SH3RF1: variants seen among roughly 807,000 people sequenced by gnomAD.
The protein encoded by SH3RF1 is E3 ubiquitin-protein ligase SH3RF1.
Under a neutral mutation model 74.0 loss-of-function variants are expected in SH3RF1, and 32 were observed. That is an observed-to-expected ratio of 0.43 (90% CI 0.33 to 0.58). The LOEUF (loss-of-function observed/expected upper bound fraction) is 0.58. Among genes scored for constraint, SH3RF1 ranks in the 20% least tolerant of loss-of-function variants. The pLI, the probability that SH3RF1 is intolerant of heterozygous loss-of-function variation, is 0.05. For synonymous variants in SH3RF1, 396 were observed against 439.6 expected (o/e 0.90, Z 1.24); for missense variants, 954 against 1,130.9 (o/e 0.84, Z 2.24).
chr4:169,138,966 C>T (rs1379024886), intron 4 of SH3RF1, among the ~76,000 whole-genome samples: 3 of 152,072 alleles, frequency 2.0e-5, no homozygotes, highest in East Asian at 3.9e-4. Flanking sequence ...TTTGGGGGGA[C>T]TGGGGGGAAA....
intron 2 of SH3RF1, among the ~76,000 whole-genome samples, chr4:169,219,380 T>G (rs1030544672): frequency 7.2e-5 from 11 of 152,178 alleles, no homozygotes; most frequent in African/African-American, 2.4e-4. Flanking sequence ...CTCTGGTATT[T>G]GGCGTAACAA....
At chr4:169,161,009 C>T (rs1174925187) in intron 2 of SH3RF1, among the ~76,000 whole-genome samples, 1 of 152,228 alleles carries the variant, frequency 6.6e-6, no homozygotes, top group Non-Finnish European at 1.5e-5. Flanking sequence ...CCCTCCAAGC[C>T]TTCTGCAGGC....
In SH3RF1 at chr4:169,252,151, C is replaced by T. The variant is rs183207318; in HGVS notation, c.393+16669G>A. On this transcript the variant is annotated intron_variant, in intron 2 of 11. Coordinates refer to ENST00000284637, the MANE Select transcript of SH3RF1 (RefSeq NM_020870.4). ...GGGCCTGCGTTTTCACATTTTATAG[C>T]ATGTTGAGTTTTCCAGCTTATGAAT... Among the ~76,000 whole-genome samples the T allele has an allele frequency of 1.2e-4, 18 of 152,294 alleles. No homozygotes were observed. The East Asian group carries it at 3.1e-3, about 26-fold the overall frequency.
chr4:169,233,923 G>C, intron 2 of SH3RF1, among the ~76,000 whole-genome samples: 1 of 152,058 alleles, frequency 6.6e-6, no homozygotes, highest in South Asian at 2.1e-4. Context: ...ACCATTTTCT[G>C]TCCCTGTTAG....
chr4:169,212,210 A>T (rs1730389211), intron 2 of SH3RF1, among the ~76,000 whole-genome samples: 1 of 151,528 alleles, frequency 6.6e-6, no homozygotes, highest in African/African-American at 2.4e-5. Flanking sequence ...GATTACAAGC[A>T]TGTGCCACCA....
chr4:169,108,691 G>A (rs987323893), intron 10 of SH3RF1, among the ~76,000 whole-genome samples: 1 of 152,178 alleles, frequency 6.6e-6, no homozygotes, highest in Non-Finnish European at 1.5e-5. Flanking sequence ...GATCTTATGC[G>A]CTTTCGCTTC....
chr4:169,250,765 C>T (rs1731090429), intron 2 of SH3RF1, among the ~76,000 whole-genome samples: 1 of 151,940 alleles, frequency 6.6e-6, no homozygotes, highest in African/African-American at 2.4e-5. Flanking sequence ...TGAAGAAAAA[C>T]AAAGCAGTGC....
At chr4:169,203,184 TA>T (rs777183927) in intron 2 of SH3RF1, among the ~76,000 whole-genome samples, 12 of 152,202 alleles carry the variant, frequency 7.9e-5, no homozygotes, top group Non-Finnish European at 1.3e-4. Context: ...ACATAGCTGC[TA>T]AAGTGTATCA....
At chr4:169,224,649 C>G (rs1022106782) in intron 2 of SH3RF1, among the ~76,000 whole-genome samples, 20 of 152,182 alleles carry the variant, frequency 1.3e-4, no homozygotes, top group African/African-American at 4.6e-4. Context: ...ATGTCTCTGT[C>G]TACTATATGG....
chr4:169,233,520 T>A (rs1730777523), intron 2 of SH3RF1, among the ~76,000 whole-genome samples: 1 of 152,150 alleles, frequency 6.6e-6, no homozygotes. Context: ...TTTCAAAGTG[T>A]TTTATATCTA....
At chr4:169,199,004 T>C (rs924463431) in intron 2 of SH3RF1, among the ~76,000 whole-genome samples, 17 of 152,204 alleles carry the variant, frequency 1.1e-4, no homozygotes, top group Admixed American at 2.6e-4. Flanking sequence ...AGGACAATAC[T>C]TCTAGAAAGC....
rs1734064481 is a variant in SH3RF1 at position 169,156,772 on chromosome 4, A to G, written c.394-93T>C. The G allele has an allele frequency of 6.6e-6, 8 of 1,207,386 alleles. No individual in the cohort carries two copies. The Middle Eastern group carries it at 8.6e-4, about 130-fold the overall frequency. 74.8% of individuals were successfully genotyped at this position (1,207,386 alleles called of 1,614,324 possible). ...TGCGTTGTCATTGTTTTAAAGTCAA[A>G]GTCAAAACCACACTGTAACCCTTGA... On this transcript the variant is annotated intron_variant, in intron 2 of 11. Transcript: ENST00000284637.
intron 11 of SH3RF1, among the ~76,000 whole-genome samples, chr4:169,104,311 G>A (rs1449577593): frequency 6.6e-6 from 1 of 152,168 alleles, no homozygotes; most frequent in Non-Finnish European, 1.5e-5. Flanking sequence ...GGGAGGGAGG[G>A]AGGCTTTGTG....
intron 2 of SH3RF1, 37 bp downstream of exon 2, chr4:169,268,783 A>G: frequency 1.3e-6 from 2 of 1,520,660 alleles, no homozygotes; most frequent in South Asian, 2.7e-5. Context: ...GGACATTACC[A>G]CCTTTATTCA....
intron 2 of SH3RF1, among the ~76,000 whole-genome samples, chr4:169,264,896 G>A (rs772701341): frequency 1.3e-5 from 2 of 152,110 alleles, no homozygotes; most frequent in Non-Finnish European, 2.9e-5. Flanking sequence ...GTTTAGGTCA[G>A]CCCCTTTGAA....
intron 4 of SH3RF1, among the ~76,000 whole-genome samples, chr4:169,138,633 A>G (rs1423763535): frequency 6.6e-6 from 1 of 152,216 alleles, no homozygotes; most frequent in Non-Finnish European, 1.5e-5. Context: ...GGAAACTATC[A>G]AATCTAGTTG....
intron 10 of SH3RF1, among the ~76,000 whole-genome samples, chr4:169,115,360 G>A (rs1034128502): frequency 2.0e-5 from 3 of 152,154 alleles, no homozygotes; most frequent in Non-Finnish European, 4.4e-5. Context: ...ATTTACAGCC[G>A]CTCCCCATCA....
chr4:169,174,302 A>G (rs568555916), intron 2 of SH3RF1, among the ~76,000 whole-genome samples: 5 of 149,164 alleles, frequency 3.4e-5, no homozygotes, highest in South Asian at 2.2e-4. Flanking sequence ...GACTCAAGCA[A>G]TCCTCCCGCC....
At chr4:169,263,123 C>T (rs562261983) in intron 2 of SH3RF1, among the ~76,000 whole-genome samples, 2 of 152,298 alleles carry the variant, frequency 1.3e-5, no homozygotes, top group South Asian at 4.1e-4. Context: ...ACATCCCCAT[C>T]CCCATCTGTG....
Sources: gnomAD v4.1 joint callset for allele counts (sites outside exome capture counted in the v4.1 genomes callset) on GRCh38, gnomAD v4.1.1 for gene constraint, MANE v1.5 for transcripts, NCBI Gene and HGNC (gene_info 2026-07-23, HGNC 2026-07-21) for gene names.